HCN1: variants seen among roughly 807,000 people sequenced by gnomAD.
HCN1 encodes potassium/sodium hyperpolarization-activated cyclic nucleotide-gated channel 1.
In HCN1, 13 loss-of-function variants were observed where a neutral mutation model predicts 78.9. The ratio of observed to expected loss-of-function variants is 0.16; its 90% CI spans 0.11 to 0.26. HCN1 has a LOEUF of 0.26. Ranked by LOEUF, HCN1 falls within the 10% of genes least tolerant of loss-of-function variation. The pLI is 1.00. For synonymous variants in HCN1, 552 were observed against 455.5 expected, an observed-to-expected ratio of 1.21 and a Z score of -2.70; for missense variants, 810 against 1,154.3, an observed-to-expected ratio of 0.70 and a Z score of 4.32.
chr5:45,684,027 T>C (rs1320048817), intron 1 of HCN1, among the ~76,000 whole-genome samples: 1 of 152,178 alleles, frequency 6.6e-6, no homozygotes, highest in Non-Finnish European at 1.5e-5. Flanking sequence ...TATCTTTGAA[T>C]CGTCCATACA....
At chr5:45,531,114 G>T (rs1190089317) in intron 2 of HCN1, among the ~76,000 whole-genome samples, 3 of 151,512 alleles carry the variant, frequency 2.0e-5, no homozygotes, top group South Asian at 2.1e-4. Context: ...AGCAATAATG[G>T]TCATGCTTAC....
chr5:45,300,252 C>T (rs776273394), intron 6 of HCN1, among the ~76,000 whole-genome samples: 2 of 152,016 alleles, frequency 1.3e-5, no homozygotes, highest in South Asian at 2.1e-4. Context: ...TTTCCTCCTA[C>T]AAATTTATCC....
chr5:45,374,463 C>G (rs933203080), intron 4 of HCN1, among the ~76,000 whole-genome samples: 1 of 149,064 alleles, frequency 6.7e-6, no homozygotes, highest in Non-Finnish European at 1.5e-5. Flanking sequence ...GAAATGTAAT[C>G]CTTATACAGA....
At chr5:45,492,634 G>A (rs1037805292) in intron 2 of HCN1, among the ~76,000 whole-genome samples, 2 of 146,350 alleles carry the variant, frequency 1.4e-5, no homozygotes, top group African/African-American at 2.5e-5. Flanking sequence ...CCAAGTAACT[G>A]GGGCTACAGG....
In HCN1 at chr5:45,262,595, C is replaced by T. The variant is rs1028285190; in HGVS notation, c.1999G>A (p.Val667Met). ...TSRMRTQSPP[V>M]YTATSLSHSN... ...TGAGACAGGCTGGTCGCTGTGTACA[C>T]CGGTGGAGATTGTGTCCTCATGCGG... is the stretch of plus-strand genomic sequence containing the variant. Residue 667 changes from valine (V) to methionine (M), a missense_variant, in exon 8 of 8, where the codon GTG becomes ATG. By Grantham distance (21) the Val-to-Met change is conservative. Coordinates refer to ENST00000303230, the MANE Select transcript of HCN1 (RefSeq NM_021072.4). The T allele has an allele frequency of 6.2e-7, 1 of 1,613,858 alleles. No individual in the cohort carries two copies.
At chr5:45,569,376 G>C (rs772667124) in intron 2 of HCN1, among the ~76,000 whole-genome samples, 2 of 152,064 alleles carry the variant, frequency 1.3e-5, no homozygotes, top group Non-Finnish European at 2.9e-5. Context: ...AATATTAAAG[G>C]TTTTACCCAT....
At chr5:45,413,360 G>A (rs963825868) in intron 3 of HCN1, among the ~76,000 whole-genome samples, 3 of 151,914 alleles carry the variant, frequency 2.0e-5, no homozygotes, top group African/African-American at 4.8e-5. Context: ...GTATCATTTT[G>A]CCAGAAGAGG....
chr5:45,452,201 T>C (rs1740932878), intron 3 of HCN1, among the ~76,000 whole-genome samples: 1 of 152,024 alleles, frequency 6.6e-6, no homozygotes. Flanking sequence ...TGCCTATTTC[T>C]CTATGCATGA....
chr5:45,409,671 A>C (rs1739989535), intron 3 of HCN1, among the ~76,000 whole-genome samples: 1 of 151,994 alleles, frequency 6.6e-6, no homozygotes, highest in Non-Finnish European at 1.5e-5. Flanking sequence ...AGACATAAGA[A>C]AGGATAGTAC....
At chr5:45,475,607 C>CA (rs1439428469) in intron 2 of HCN1, among the ~76,000 whole-genome samples, 1 of 151,974 alleles carries the variant, frequency 6.6e-6, no homozygotes, top group South Asian at 2.1e-4. Context: ...TGGAGGCGTC[C>CA]AAAAGGTTAC....
At chr5:45,490,765 A>G (rs752948234) in intron 2 of HCN1, among the ~76,000 whole-genome samples, 3 of 152,160 alleles carry the variant, frequency 2.0e-5, no homozygotes, top group Non-Finnish European at 2.9e-5. Flanking sequence ...AAAAAACTTA[A>G]ATAAAGATGA....
At chr5:45,268,151 T>C (rs768530905) in intron 6 of HCN1, among the ~76,000 whole-genome samples, 12 of 152,212 alleles carry the variant, frequency 7.9e-5, no homozygotes, top group Non-Finnish European at 1.6e-4. Context: ...GAAAGTGATA[T>C]TCCACATGTA....
chr5:45,645,320 A>G lies in HCN1; in HGVS notation c.714T>C (p.Ile238=). The change falls in exon 2 of 8, where the codon ATT becomes ATC. Residue 238 remains isoleucine, a synonymous_variant. Transcript: ENST00000303230. ...CTTCAGAATCCATTCCTTTTTCTAC[A>G]ATAAGAAAGATATAATCCACTGGGA... ...SSIPVDYIFL[I]VEKGMDSEVY... 7.4e-6 allele frequency: 12 copies of G among 1,613,612 alleles called. No individual in the cohort carries two copies. Among genetic ancestry groups the G allele is most frequent in the Non-Finnish European group, 1.0e-5 (12 of 1,179,810 alleles).
intron 6 of HCN1, among the ~76,000 whole-genome samples, chr5:45,281,574 C>T (rs1484779614): frequency 2.1e-5 from 3 of 139,962 alleles, no homozygotes; most frequent in Non-Finnish European, 4.6e-5. Flanking sequence ...AAGAGCTCTT[C>T]TCTTCTTTTT....
At chr5:45,419,034 T>C (rs1012422166) in intron 3 of HCN1, among the ~76,000 whole-genome samples, 1 of 152,164 alleles carries the variant, frequency 6.6e-6, no homozygotes, top group African/African-American at 2.4e-5. Context: ...TCATCAAAGA[T>C]GGAGAACTTA....
intron 1 of HCN1, among the ~76,000 whole-genome samples, chr5:45,671,081 C>T (rs1433483885): frequency 6.6e-6 from 1 of 151,608 alleles, no homozygotes; most frequent in African/African-American, 2.4e-5. Context: ...TCAGTAAACT[C>T]AAATAAATTC....
intron 2 of HCN1, among the ~76,000 whole-genome samples, chr5:45,598,543 C>T (rs966783228): frequency 7.2e-5 from 11 of 152,090 alleles, no homozygotes; most frequent in African/African-American, 1.9e-4. Context: ...AAAGCAATGG[C>T]GACAAAAGCC....
At chr5:45,491,034 C>A (rs1174073258) in intron 2 of HCN1, among the ~76,000 whole-genome samples, 1 of 152,056 alleles carries the variant, frequency 6.6e-6, no homozygotes, top group East Asian at 1.9e-4. Context: ...TATGAATCTA[C>A]CCTTGCTATA....
intron 5 of HCN1, among the ~76,000 whole-genome samples, chr5:45,325,816 G>T (rs1285088630): frequency 1.3e-5 from 2 of 151,510 alleles, no homozygotes; most frequent in Non-Finnish European, 3.0e-5. Context: ...GTCTCTAGTA[G>T]GAAGGATTTA....
Sources: gnomAD v4.1 joint callset for allele counts (sites outside exome capture counted in the v4.1 genomes callset) on GRCh38, gnomAD v4.1.1 for gene constraint, MANE v1.5 for transcripts, NCBI Gene and HGNC (gene_info 2026-07-23, HGNC 2026-07-21) for gene names.